Variants in JCAD observed in about 807,000 individuals in gnomAD.
JCAD encodes junctional cadherin 5 associated, also known as junctional cadherin 5-associated protein.
A neutral mutation model predicts 98.0 loss-of-function variants in JCAD; 40 were observed. The ratio of observed to expected loss-of-function variants is 0.41; its 90% CI spans 0.32 to 0.53. JCAD has a LOEUF of 0.53. JCAD is among the 20% of genes least tolerant of loss of function. The pLI is 0.31. For missense variants in JCAD, 1,705 were observed against 1,738.1 expected, an observed-to-expected ratio of 0.98 and a Z score of 0.34; for synonymous variants, 691 against 682.3, an observed-to-expected ratio of 1.01 and a Z score of -0.20.
At chr10:30,064,159 A>C (rs1837747340), upstream of JCAD, among the ~76,000 whole-genome samples, 3 of 152,154 alleles carry the variant, frequency 2.0e-5, no homozygotes, top group Admixed American at 1.3e-4. Flanking sequence ...GCCCTCATGA[A>C]TGGATTAATC....
At position 30,033,315 on chromosome 10, in the gene JCAD, A is replaced by C. The variant is rs556516947; in HGVS notation, c.282-3449T>G. On this transcript the variant is annotated intron_variant, in intron 2 of 3. Coordinates refer to ENST00000375377, the MANE Select transcript of JCAD (RefSeq NM_020848.4). ...AACCCTTTACCAGTGTTGGACATTG[A>C]TGTGGATTCTATTCTAAAACACTTT... Among the ~76,000 whole-genome samples, 3 of 152,336 alleles carry C rather than the reference A, an allele frequency of 2.0e-5. No individual in the cohort carries two copies. In the South Asian group the frequency reaches 6.2e-4, roughly 32 times the overall value.
In JCAD at chr10:30,059,111, G is replaced by A. The variant is rs2132657629; in HGVS notation, c.-60+371C>T. Among the ~76,000 whole-genome samples the A allele has an allele frequency of 6.6e-6, 1 of 152,050 alleles. No individual in the cohort carries two copies. The highest frequency in any genetic ancestry group is 2.0e-4 in the East Asian group (1 of 5,124). On this transcript the variant is annotated intron_variant, in intron 1 of 3. Transcript: ENST00000375377. The surrounding 1 kb of genome is among the most constrained non-coding windows in gnomAD (Gnocchi z 5.0). ...GAGGGCGACTTCGAGAGGGGAGTGA[G>A]TGACCCCGGCCCCCCAGGCCCTCCG...
chr10:30,025,391 G>A (rs979342552), intron 3 of JCAD, among the ~76,000 whole-genome samples: 112 of 151,850 alleles, frequency 7.4e-4, no homozygotes, highest in Non-Finnish European at 1.1e-3. Context: ...GGTGACACAC[G>A]CCTGTAGTCC....
At chr10:30,048,311 T>A (rs952347412) in intron 1 of JCAD, among the ~76,000 whole-genome samples, 3 of 152,154 alleles carry the variant, frequency 2.0e-5, no homozygotes, top group Admixed American at 6.5e-5. Flanking sequence ...AGCTTAATCT[T>A]AGGACACGCC....
Position 30,027,617 on chromosome 10 carries a change from T to C in JCAD, c.2531A>G (p.Glu844Gly). The C allele has an allele frequency of 6.2e-7, 1 of 1,614,250 alleles. No homozygotes were observed. Among genetic ancestry groups the C allele is most frequent in the African/African-American group, 1.3e-5 (1 of 75,072 alleles). Residue 844 changes from glutamate to glycine, a missense_variant, in exon 3 of 4, where the codon GAA (glutamate) becomes GGA (glycine). Glu to Gly is a moderately conservative substitution (Grantham distance 98, BLOSUM62 -2). Around this residue, in one of 3 missense-constraint regions of JCAD, gnomAD observed 1,278 missense variants for 1,243.1 expected, o/e 1.03. Coordinates refer to ENST00000375377, the MANE Select transcript of JCAD (RefSeq NM_020848.4). ...GCTGCTACTGCTGCTTTCTTCCTCT[T>C]CCTGGAGCTCCTTGTTAAAACTTTC... ...QLESFNKELQ[E>G]EEESSSSSSS... is the part of the protein sequence containing the mutation.
intron 1 of JCAD, among the ~76,000 whole-genome samples, chr10:30,055,099 CAG>C (rs1466876260): frequency 1.3e-5 from 2 of 152,148 alleles, no homozygotes; most frequent in African/African-American, 4.8e-5. Context: ...CCTTATCTGC[CAG>C]AGAGACTCTT....
At chr10:30,021,133 C>T (rs11599638) in intron 3 of JCAD, among the ~76,000 whole-genome samples, 10,763 of 114,650 alleles carry the variant, frequency 0.094, 505 homozygotes, top group African/African-American at 0.26. Context: ...ACCTGCTGCC[C>T]ACAGTCCCCT....
In JCAD at chr10:30,028,844, T is replaced by G. The variant is rs755569232; in HGVS notation, c.1304A>C (p.Lys435Thr). The G allele has an allele frequency of 9.3e-6, 15 of 1,614,048 alleles. No individual in the cohort carries two copies. In the Admixed American group the frequency reaches 2.3e-4, roughly 25 times the overall value. ...PFDDPRLRHF[K>T]LAQPQGFCED... ...ACAGAAACCCTGGGGCTGAGCTAGT[T>G]TAAAATGTCGTAACCGTGGATCATC... The change falls in exon 3 of 4, where the codon AAA becomes ACA. Residue 435 changes from lysine to threonine, a missense_variant. Physicochemically the swap from Lys to Thr is moderately conservative, Grantham distance 78. Coordinates refer to ENST00000375377, the MANE Select transcript of JCAD (RefSeq NM_020848.4).
intron 1 of JCAD, among the ~76,000 whole-genome samples, chr10:30,087,795 G>T (rs1459472378): frequency 6.6e-6 from 1 of 152,178 alleles, no homozygotes; most frequent in Non-Finnish European, 1.5e-5. Flanking sequence ...CATTCCTATT[G>T]GAAAAGGTCT....
At chr10:30,064,917 G>A (rs570740999) in intron 2 of JCAD, among the ~76,000 whole-genome samples, 65 of 152,272 alleles carry the variant, frequency 4.3e-4, no homozygotes, top group African/African-American at 1.5e-3. Flanking sequence ...TGATCCACCC[G>A]CCTTGGCCTC....
intron 1 of JCAD, among the ~76,000 whole-genome samples, chr10:30,111,829 G>A (rs1012933175): frequency 2.6e-5 from 4 of 152,150 alleles, no homozygotes; most frequent in Non-Finnish European, 5.9e-5. Context: ...GCAAGAATGT[G>A]GAGAAATTGG....
intron 1 of JCAD, among the ~76,000 whole-genome samples, chr10:30,106,818 C>T (rs12249667): frequency 0.018 from 2,815 of 152,218 alleles, 85 homozygotes; most frequent in African/African-American, 0.063. Flanking sequence ...GTTCTTTGAG[C>T]TTAAATGCCT....
intron 1 of JCAD, among the ~76,000 whole-genome samples, chr10:30,085,877 T>C (rs909172774): frequency 1.3e-5 from 2 of 151,754 alleles, no homozygotes; most frequent in African/African-American, 2.4e-5. Flanking sequence ...CATCCCCGAG[T>C]GTTTGTTTAG....
At chr10:30,061,082 C>G (rs374993959), upstream of JCAD, among the ~76,000 whole-genome samples, 1 of 152,118 alleles carries the variant, frequency 6.6e-6, no homozygotes, top group South Asian at 2.1e-4. Flanking sequence ...GCTCAGGTCC[C>G]GGGCTTGGCT....
At chr10:30,021,891 A>C (rs990360858) in intron 3 of JCAD, among the ~76,000 whole-genome samples, 3 of 152,308 alleles carry the variant, frequency 2.0e-5, no homozygotes, top group Non-Finnish European at 2.9e-5. Flanking sequence ...ACGCCCTCAG[A>C]GATGTGCTAA....
intron 1 of JCAD, among the ~76,000 whole-genome samples, chr10:30,104,930 T>C (rs993773256): frequency 3.3e-5 from 5 of 152,204 alleles, no homozygotes; most frequent in African/African-American, 1.2e-4. Flanking sequence ...TAATAATAGT[T>C]AGCATTGATT....
At chr10:30,067,832 A>G (rs774654917) in intron 2 of JCAD, among the ~76,000 whole-genome samples, 5 of 152,322 alleles carry the variant, frequency 3.3e-5, no homozygotes, top group East Asian at 1.9e-4. Flanking sequence ...CCTAGAGTGC[A>G]TGTACACAAA....
At chr10:30,106,861 A>G (rs1564474715) in intron 1 of JCAD, among the ~76,000 whole-genome samples, 1 of 152,046 alleles carries the variant, frequency 6.6e-6, no homozygotes, top group Non-Finnish European at 1.5e-5. Context: ...TTGATTTCTC[A>G]ATTATTATCC....
intron 1 of JCAD, among the ~76,000 whole-genome samples, chr10:30,112,948 G>C (rs1255883451): frequency 6.6e-6 from 1 of 151,934 alleles, no homozygotes; most frequent in African/African-American, 2.4e-5. Context: ...GAGGATAATG[G>C]GGCGTGACTG....
Sources: gnomAD v4.1 joint callset for allele counts (sites outside exome capture counted in the v4.1 genomes callset) on GRCh38, gnomAD v4.1.1 for gene constraint, gnomAD v4.1.1 regional missense constraint, Gnocchi (gnomAD v3.1) non-coding constraint, MANE v1.5 for transcripts, NCBI Gene and HGNC (gene_info 2026-07-23, HGNC 2026-07-21) for gene names.